SEMA5A: variants seen among roughly 807,000 people sequenced by gnomAD.
SEMA5A encodes semaphorin-5A.
Under a neutral mutation model 135.5 loss-of-function variants are expected in SEMA5A, and 55 were observed. That is an observed-to-expected ratio of 0.41 (90% confidence interval 0.33 to 0.51). The LOEUF (loss-of-function observed/expected upper bound fraction) is 0.51, where lower values mean the gene tolerates loss of function less well. SEMA5A is among the 20% of genes least tolerant of loss of function. SEMA5A has a pLI of 0.37. For missense variants in SEMA5A, 1,290 were observed against 1,419.9 expected, an observed-to-expected ratio of 0.91 and a Z score of 1.47; for synonymous variants, 580 against 546.5, an observed-to-expected ratio of 1.06 and a Z score of -0.85.
At chr5:9,477,466 T>C (rs1561284453) in intron 1 of SEMA5A, among the ~76,000 whole-genome samples, 1 of 152,194 alleles carries the variant, frequency 6.6e-6, no homozygotes, top group Non-Finnish European at 1.5e-5. Context: ...TGTTGAATGA[T>C]TTTGACCAAA....
intron 8 of SEMA5A, among the ~76,000 whole-genome samples, chr5:9,213,442 G>C (rs943804249): frequency 4.2e-4 from 64 of 152,330 alleles, no homozygotes; most frequent in African/African-American, 1.4e-3. Context: ...AAAAGGGCTA[G>C]ATAGGAGGGA....
chr5:9,266,403 G>A (rs981853821), intron 5 of SEMA5A, among the ~76,000 whole-genome samples: 4 of 152,062 alleles, frequency 2.6e-5, no homozygotes, highest in African/African-American at 7.2e-5. Flanking sequence ...CCTGTTATTC[G>A]TGACAATCTT....
chr5:9,153,029 C>T (rs1272542678), intron 12 of SEMA5A, among the ~76,000 whole-genome samples: 2 of 151,132 alleles, frequency 1.3e-5, no homozygotes, highest in African/African-American at 4.9e-5. Context: ...GATCACACCA[C>T]TGCACTCCAG....
In SEMA5A at chr5:9,040,920, G is replaced by A. The variant is rs1398713439; in HGVS notation, c.*1977C>T. ...TTCTTACAAGAAACTGATGAGATGA[G>A]TTGAAATATCTGATGATGAAAATCC... On this transcript the variant is annotated 3_prime_UTR_variant, in exon 23 of 23. Transcript: ENST00000382496. 2 of 152,204 alleles carry A rather than the reference G, an allele frequency of 1.3e-5. No homozygotes were observed. The highest frequency in any genetic ancestry group is 2.9e-5 in the Non-Finnish European group (2 of 68,038). The allele number at this position is 152,204 out of a possible 1,614,324, so 9.4% of individuals were successfully genotyped here.
intron 1 of SEMA5A, among the ~76,000 whole-genome samples, chr5:9,528,388 T>C (rs191022595): frequency 6.6e-6 from 1 of 152,262 alleles, no homozygotes; most frequent in African/African-American, 2.4e-5. Flanking sequence ...ACATGAGAAA[T>C]GGGGTGGGAG....
At chr5:9,214,929 G>T (rs969180546) in intron 8 of SEMA5A, among the ~76,000 whole-genome samples, 4 of 152,214 alleles carry the variant, frequency 2.6e-5, no homozygotes, top group Non-Finnish European at 5.9e-5. Flanking sequence ...ATCTTGACTT[G>T]CTGGATCTTG....
In SEMA5A at chr5:9,154,586, G is replaced by T; in HGVS notation, c.1383C>A (p.Ser461Arg). The change falls in exon 12 of 23, where the codon AGC becomes AGA. Residue 461 changes from serine to arginine, a missense_variant. Physicochemically the swap from Ser to Arg is moderately radical, Grantham distance 110. Coordinates refer to ENST00000382496, the MANE Select transcript of SEMA5A (RefSeq NM_003966.3). ...CACTCTGGCTGTGCAGGATCTGCAG[G>T]CTCCTGATGGGCTCCCTCCGCCTCT... is the stretch of plus-strand genomic sequence containing the variant. ...FPERRREPIRSLQILHSQSVL... is the reference protein window; with the variant it reads ...FPERRREPIRRLQILHSQSVL... 1.2e-6 allele frequency: 2 copies of T among 1,613,822 alleles called. No individual in the cohort carries two copies. The highest frequency in any genetic ancestry group is 1.1e-5 in the South Asian group (1 of 91,052).
In SEMA5A at chr5:9,353,120, A is replaced by G. The variant is rs1354976542; in HGVS notation, c.125-15308T>C. On this transcript the variant is annotated intron_variant, in intron 3 of 22. Transcript: ENST00000382496. ...AAGGAAGGAAAGGAAAGGAAAGGAA[A>G]GGAAAGGAAAGGAAAGGAAAGGAAA... 4.6e-4 allele frequency among the ~76,000 whole-genome samples: 31 copies of G among 66,730 alleles called. 2 individuals are homozygous for G. Among genetic ancestry groups the G allele is most frequent in the African/African-American group, 1.9e-3 (28 of 14,516 alleles). 43.8% of individuals were successfully genotyped at this position (66,730 alleles called of 152,430 possible). A position where few individuals can be genotyped will look rare whatever the true frequency, so the allele number is the denominator to read the frequency against.
intron 1 of SEMA5A, among the ~76,000 whole-genome samples, chr5:9,512,462 T>C (rs910242139): frequency 6.6e-6 from 1 of 152,164 alleles, no homozygotes; most frequent in African/African-American, 2.4e-5. Flanking sequence ...GGGTAGGAAG[T>C]GGTGAATCCA....
Position 9,056,349 on chromosome 5 carries a change from T to C in SEMA5A, c.2519-2092A>G, listed in dbSNP as rs565480306. 2.0e-5 allele frequency among the ~76,000 whole-genome samples: 3 copies of C among 152,318 alleles called. No individual in the cohort carries two copies. The East Asian group carries it at 5.8e-4, about 29-fold the overall frequency. On this transcript the variant is annotated intron_variant, in intron 18 of 22. Coordinates refer to ENST00000382496, the MANE Select transcript of SEMA5A (RefSeq NM_003966.3). ...CAGTGTTGGTGAGGATGTGAAGAAATTGGAGCCCTTATACACTGTTGGTGG... is the reference window on the plus strand; with the variant it reads ...CAGTGTTGGTGAGGATGTGAAGAAACTGGAGCCCTTATACACTGTTGGTGG...
intron 4 of SEMA5A, among the ~76,000 whole-genome samples, chr5:9,321,932 G>A (rs73742640): frequency 0.049 from 7,464 of 152,154 alleles, 583 homozygotes; most frequent in African/African-American, 0.17. Flanking sequence ...ATACACAAAG[G>A]AAGAGCTGGA....
chr5:9,460,184 T>A (rs1759002554), intron 1 of SEMA5A, among the ~76,000 whole-genome samples: 1 of 152,196 alleles, frequency 6.6e-6, no homozygotes, highest in African/African-American at 2.4e-5. Context: ...TCTGATTTTA[T>A]CAATAATACA....
chr5:9,089,377 G>C (rs542696638), intron 16 of SEMA5A, among the ~76,000 whole-genome samples: 2 of 152,302 alleles, frequency 1.3e-5, no homozygotes, highest in Admixed American at 6.5e-5. Flanking sequence ...AAGAGGTAAA[G>C]ATCAATCTGC....
intron 3 of SEMA5A, 83 bp from the exon 4 acceptor site, chr5:9,337,895 C>A: frequency 1.1e-6 from 1 of 900,398 alleles, no homozygotes; most frequent in Non-Finnish European, 1.7e-6. Context: ...CATCAGGTAG[C>A]AGACGTTACA....
At chr5:9,451,288 G>T (rs1243095169) in intron 1 of SEMA5A, among the ~76,000 whole-genome samples, 1 of 152,186 alleles carries the variant, frequency 6.6e-6, no homozygotes, top group African/African-American at 2.4e-5. Flanking sequence ...CACTGTAAAT[G>T]CTTGGGAAAT....
intron 2 of SEMA5A, among the ~76,000 whole-genome samples, chr5:9,437,512 A>G (rs1758076233): frequency 6.6e-6 from 1 of 152,024 alleles, no homozygotes; most frequent in Non-Finnish European, 1.5e-5. Flanking sequence ...ACGCGCCACC[A>G]CGCCAGGCTA....
intron 2 of SEMA5A, among the ~76,000 whole-genome samples, chr5:9,432,114 TC>T (rs1031751609): frequency 5.3e-5 from 8 of 151,770 alleles, no homozygotes; most frequent in Non-Finnish European, 1.2e-4. Flanking sequence ...AGCTGACAAT[TC>T]TCCTGTCAGT....
rs185729811 is a variant in SEMA5A at position 9,200,765 on chromosome 5, T to G, written c.932+1190A>C. 1.4e-3 allele frequency among the ~76,000 whole-genome samples: 210 copies of G among 152,228 alleles called. 1 individual carries two copies. The highest frequency in any genetic ancestry group is 4.5e-3 in the African/African-American group (188 of 41,550). On this transcript the variant is annotated intron_variant, in intron 9 of 22. Transcript: ENST00000382496. ...GGAGAGACCAGGAAGAGAAGGTTAA[T>G]GAGGAAATAAGCTGCAGGTAAAGGG...
At chr5:9,197,384 C>T (rs1745453974) in intron 9 of SEMA5A, 81 bp from the exon 10 acceptor site, 1 of 1,510,200 alleles carries the variant, frequency 6.6e-7, no homozygotes, top group Non-Finnish European at 9.0e-7. Flanking sequence ...TGGGCAGCAG[C>T]TGTGACCTAC....
Sources: allele counts gnomAD v4.1 joint callset (sites outside exome capture counted in the v4.1 genomes callset), GRCh38; gene constraint gnomAD v4.1.1; transcripts MANE v1.5; gene names NCBI Gene and HGNC (gene_info 2026-07-23, HGNC 2026-07-21).